The following RAD50 variants were observed in gnomAD, a reference collection of about 807,000 sequenced individuals.
RAD50 encodes the protein RAD50 double strand break repair protein, also known as DNA repair protein RAD50.
Under a neutral mutation model 168.8 loss-of-function variants are expected in RAD50, and 132 were observed. The ratio of observed to expected loss-of-function variants is 0.78; its 90% CI spans 0.68 to 0.90. The LOEUF (loss-of-function observed/expected upper bound fraction) is 0.90. Ranked by LOEUF, RAD50 falls within the 40% of genes least tolerant of loss-of-function variation. The pLI is 0.00. For synonymous variants in RAD50, 525 were observed against 497.4 expected, an observed-to-expected ratio of 1.06 and a Z score of -0.74; for missense variants, 1,347 against 1,534.4, an observed-to-expected ratio of 0.88 and a Z score of 2.04.
In RAD50 at chr5:132,587,666, T is replaced by C. The variant is rs1042907420; in HGVS notation, c.861T>C (p.Ser287=). The C allele has an allele frequency of 9.3e-6, 15 of 1,613,636 alleles. No individual in the cohort carries two copies. Among genetic ancestry groups the C allele is most frequent in the Non-Finnish European group, 1.3e-5 (15 of 1,179,864 alleles). Residue 287 remains serine (S), a synonymous_variant, in exon 6 of 25, where the codon AGT becomes AGC. Coordinates refer to ENST00000378823, the MANE Select transcript of RAD50 (RefSeq NM_005732.4). ...SRKKQMEKDN[S]ELEEKMEKVF... is the part of the protein sequence containing the mutation. Reference sequence around the variant, plus strand: ...AGAAGCAAATGGAGAAAGATAATAGTGAACTGGAAGAGAAAATGGAAAAGG... The same window carrying C: ...AGAAGCAAATGGAGAAAGATAATAGCGAACTGGAAGAGAAAATGGAAAAGG...
intron 1 of RAD50, 150 bp downstream of exon 1, chr5:132,557,603 C>A: frequency 8.5e-7 from 1 of 1,173,700 alleles, no homozygotes; most frequent in Non-Finnish European, 1.2e-6. Flanking sequence ...GGCCTGCAGG[C>A]TACAGCGACC....
intron 2 of RAD50, among the ~76,000 whole-genome samples, chr5:132,565,649 C>T (rs1316996722): frequency 6.6e-6 from 1 of 152,164 alleles, no homozygotes; most frequent in Non-Finnish European, 1.5e-5. Context: ...TCACTCTTCT[C>T]AGTCTGATAC....
chr5:132,606,524 G>A (rs574542363), intron 16 of RAD50, among the ~76,000 whole-genome samples: 5 of 152,092 alleles, frequency 3.3e-5, no homozygotes, highest in South Asian at 2.1e-4. Flanking sequence ...ATTCACAGCC[G>A]AATTCTACCA....
intron 17 of RAD50, among the ~76,000 whole-genome samples, 166 bp from the exon 18 acceptor site, chr5:132,608,944 CTAATTAA>C (rs1467848156): frequency 6.6e-6 from 1 of 152,142 alleles, no homozygotes; most frequent in African/African-American, 2.4e-5. Context: ...AGAAATGAGA[CTAATTAA>C]TCAATTCCTA....
chr5:132,573,803 A>G (rs1750349011), intron 2 of RAD50, among the ~76,000 whole-genome samples: 1 of 152,224 alleles, frequency 6.6e-6, no homozygotes, highest in Non-Finnish European at 1.5e-5. Context: ...CAAAGGGGCT[A>G]CAGGCCCCGT....
rs1581025590 is a variant in RAD50, at chr5:132,642,803, A to C, written c.*439A>C. 2.8e-6 allele frequency: 1 copy of C among 351,964 alleles called. No individual in the cohort carries two copies. The highest frequency in any genetic ancestry group is 4.7e-5 in the East Asian group (1 of 21,362). 21.8% of individuals were successfully genotyped at this position (351,964 alleles called of 1,614,324 possible). On this transcript the variant is annotated 3_prime_UTR_variant, in exon 25 of 25. Coordinates refer to ENST00000378823, the MANE Select transcript of RAD50 (RefSeq NM_005732.4). ...ATGTGGTTTGAAAAACTGAGTATTA[A>C]TATCTGAGGATGACCAGAAATGGTG...
intron 3 of RAD50, among the ~76,000 whole-genome samples, chr5:132,576,409 A>G (rs1172267800): frequency 6.6e-6 from 1 of 152,248 alleles, no homozygotes; most frequent in Non-Finnish European, 1.5e-5. Context: ...AGAGGCAGGT[A>G]TCATTTTCTA....
rs186558549 is a variant in RAD50, at chr5:132,618,976, C to T, written c.3389+682C>T. Among the ~76,000 whole-genome samples the T allele has an allele frequency of 1.8e-4, 27 of 152,218 alleles. No individual in the cohort carries two copies. The East Asian group carries it at 4.6e-3, about 26-fold the overall frequency. On this transcript the variant is annotated intron_variant, in intron 21 of 24. Transcript: ENST00000378823. ...AAAAACAGTTTTATCATATATATGT[C>T]ATATTTTGAGCTTTTTAAAAATGAT...
Position 132,592,347 on chromosome 5 carries a change from T to C in RAD50, c.1793+313T>C, listed in dbSNP as rs10463893. Among the ~76,000 whole-genome samples, 25,781 of 152,168 alleles carry C rather than the reference T, an allele frequency of 0.17. 2,441 individuals carry two copies. Among genetic ancestry groups the C allele is most frequent in the South Asian group, 0.23 (1,109 of 4,810 alleles). ...CATGTCAGTGTAGTCTTTTTTACAT[T>C]GCTAGCATAAAAATGGGTGCCCTTT... On this transcript the variant is annotated intron_variant, in intron 11 of 24. Transcript: ENST00000378823.
At chr5:132,605,871 G>A (rs977163009) in intron 16 of RAD50, among the ~76,000 whole-genome samples, 13 of 152,250 alleles carry the variant, frequency 8.5e-5, no homozygotes, top group African/African-American at 2.4e-4. Flanking sequence ...ACCTGCTCCC[G>A]AATGACTACC....
intron 2 of RAD50, among the ~76,000 whole-genome samples, chr5:132,571,586 C>T (rs1024032029): frequency 6.6e-6 from 1 of 152,120 alleles, no homozygotes; most frequent in African/African-American, 2.4e-5. Context: ...GGTGTGGTGG[C>T]ATGCACCTAT....
At chr5:132,609,427 C>T in intron 19 of RAD50, 31 bp downstream of exon 19, 1 of 1,611,034 alleles carries the variant, frequency 6.2e-7, no homozygotes, top group South Asian at 1.1e-5. Context: ...ATATCACTTA[C>T]ACCTATGACA....
At chr5:132,629,412 G>A (rs902349701) in intron 21 of RAD50, among the ~76,000 whole-genome samples, 1 of 152,198 alleles carries the variant, frequency 6.6e-6, no homozygotes, top group Non-Finnish European at 1.5e-5. Context: ...TGAGCAGAAT[G>A]AGGACCTATG....
rs150135378 is a variant in RAD50, at chr5:132,614,130, G to A, written c.3037-1873G>A. Among the ~76,000 whole-genome samples the A allele has an allele frequency of 2.6e-3, 389 of 152,290 alleles. 1 individual carries two copies. The highest frequency in any genetic ancestry group is 4.1e-3 in the Non-Finnish European group (280 of 68,000). On this transcript the variant is annotated intron_variant, in intron 19 of 24. Transcript: ENST00000378823. ...ACCTAAAACAAAGAAATGCCTAGCT[G>A]TCTGGTAACAATGCAGGTAGACAGA... is the stretch of plus-strand genomic sequence containing the variant.
chr5:132,630,112 A>G (rs1342319033), intron 21 of RAD50, among the ~76,000 whole-genome samples: 1 of 148,500 alleles, frequency 6.7e-6, no homozygotes. Flanking sequence ...GTGCGATCTC[A>G]GCTCACTGCC....
intron 19 of RAD50, 119 bp downstream of exon 19, chr5:132,609,515 C>T: frequency 6.8e-7 from 1 of 1,477,052 alleles, no homozygotes; most frequent in Non-Finnish European, 9.1e-7. Flanking sequence ...AGCGTGGTGG[C>T]TCACACCTGT....
At chr5:132,579,798 C>A in intron 4 of RAD50, 64 bp from the exon 5 acceptor site, 1 of 1,321,028 alleles carries the variant, frequency 7.6e-7, no homozygotes, top group Non-Finnish European at 1.1e-6. Context: ...TAATATCCCA[C>A]TGTATGAATA....
At chr5:132,600,912 C>T (rs1254041741) in intron 13 of RAD50, among the ~76,000 whole-genome samples, 1 of 151,626 alleles carries the variant, frequency 6.6e-6, no homozygotes, top group African/African-American at 2.4e-5. Flanking sequence ...CACATTGTAC[C>T]CCATAAATGT....
chr5:132,646,282 T>C lies in RAD50; in HGVS notation c.*3918T>C, dbSNP rs973798966. The C allele has an allele frequency of 6.6e-6, 1 of 152,212 alleles. No homozygotes were observed. The highest frequency in any genetic ancestry group is 2.4e-5 in the African/African-American group (1 of 41,454). The allele number at this position is 152,212 out of a possible 1,614,324, so 9.4% of individuals were successfully genotyped here. ...TGCTTGACTGATATATTCAGCTGCCTGTGGATAACTGGGCATCTATCTGCA... is the reference window on the plus strand; with the variant it reads ...TGCTTGACTGATATATTCAGCTGCCCGTGGATAACTGGGCATCTATCTGCA... On this transcript the variant is annotated 3_prime_UTR_variant, in exon 25 of 25. Coordinates refer to ENST00000378823, the MANE Select transcript of RAD50 (RefSeq NM_005732.4).
Sources: allele counts gnomAD v4.1 joint callset (sites outside exome capture counted in the v4.1 genomes callset), GRCh38; gene constraint gnomAD v4.1.1; transcripts MANE v1.5; gene names NCBI Gene and HGNC (gene_info 2026-07-23, HGNC 2026-07-21).